The following PRKD1 variants were observed in gnomAD, a reference collection of about 807,000 sequenced individuals.
PRKD1 encodes serine/threonine-protein kinase D1.
In PRKD1, 63 loss-of-function variants were observed where a neutral mutation model predicts 95.9. The ratio of observed to expected loss-of-function variants is 0.66; its 90% confidence interval spans 0.54 to 0.81. The LOEUF is 0.81. Ranked by LOEUF, PRKD1 falls within the 30% of genes least tolerant of loss-of-function variation. PRKD1 has a pLI of 0.00. For missense variants in PRKD1, 1,048 were observed against 1,165.3 expected (o/e 0.90, Z 1.47); for synonymous variants, 425 against 423.1 (o/e 1.00, Z -0.05).
intron 1 of PRKD1, among the ~76,000 whole-genome samples, chr14:29,801,248 C>A (rs773078529): frequency 1.3e-5 from 2 of 152,142 alleles, no homozygotes; most frequent in Non-Finnish European, 2.9e-5. Flanking sequence ...ATTGATGAGG[C>A]CTCCCCACAT....
chr14:29,737,202 G>T (rs1886762172), intron 1 of PRKD1, among the ~76,000 whole-genome samples: 1 of 150,464 alleles, frequency 6.6e-6, no homozygotes, highest in Non-Finnish European at 1.5e-5. Context: ...GGCGCCTGTA[G>T]TCCCAGCTAC....
chr14:29,701,555 G>A (rs1422039822), intron 2 of PRKD1, among the ~76,000 whole-genome samples: 2 of 152,140 alleles, frequency 1.3e-5, no homozygotes, highest in East Asian at 3.8e-4. Context: ...ATACATGAAA[G>A]GCTACATAAA....
At chr14:29,713,434 T>C (rs1298128697) in intron 2 of PRKD1, among the ~76,000 whole-genome samples, 4 of 152,172 alleles carry the variant, frequency 2.6e-5, no homozygotes, top group Non-Finnish European at 5.9e-5. Flanking sequence ...TTTTATATGA[T>C]TCAAGGCAGC....
At chr14:29,705,176 T>G (rs1885021142) in intron 2 of PRKD1, among the ~76,000 whole-genome samples, 1 of 152,100 alleles carries the variant, frequency 6.6e-6, no homozygotes. Flanking sequence ...ATCCCTGAAA[T>G]TTATCCCTGA....
chr14:29,651,827 C>T (rs540943780), intron 4 of PRKD1, among the ~76,000 whole-genome samples: 3 of 152,198 alleles, frequency 2.0e-5, no homozygotes, highest in African/African-American at 7.2e-5. Context: ...TCACTGCAAC[C>T]TCCACCTCCC....
At chr14:29,849,247 G>C (rs1892203223) in intron 1 of PRKD1, among the ~76,000 whole-genome samples, 1 of 152,030 alleles carries the variant, frequency 6.6e-6, no homozygotes, top group Non-Finnish European at 1.5e-5. Context: ...TCCTGCTCTG[G>C]CCATGTGAAG....
chr14:29,801,638 C>G (rs982230252), intron 1 of PRKD1, among the ~76,000 whole-genome samples: 1 of 150,756 alleles, frequency 6.6e-6, no homozygotes. Context: ...ATATGAATTA[C>G]ATGAAGAGCT....
At chr14:29,577,849 T>C (rs2138940481) in intron 17 of PRKD1, among the ~76,000 whole-genome samples, 1 of 152,296 alleles carries the variant, frequency 6.6e-6, no homozygotes, top group Middle Eastern at 3.4e-3. Flanking sequence ...CATGCATTTG[T>C]TCCATATATA....
intron 1 of PRKD1, among the ~76,000 whole-genome samples, chr14:29,880,439 T>C (rs914516367): frequency 6.6e-6 from 1 of 152,062 alleles, no homozygotes; most frequent in Non-Finnish European, 1.5e-5. Flanking sequence ...AGAAGATGTA[T>C]AGAAATGCCT....
chr14:29,768,888 G>T (rs1888380360), intron 1 of PRKD1, among the ~76,000 whole-genome samples: 1 of 151,980 alleles, frequency 6.6e-6, no homozygotes, highest in South Asian at 2.1e-4. Flanking sequence ...ACTATCCTTG[G>T]TTACATGCTT....
chr14:29,616,488 G>T (rs748765719), intron 13 of PRKD1, among the ~76,000 whole-genome samples: 2 of 151,846 alleles, frequency 1.3e-5, no homozygotes, highest in Non-Finnish European at 2.9e-5. Context: ...CTGTTGCACA[G>T]GCTGGAGTGC....
chr14:29,905,971 A>T, intron 1 of PRKD1, among the ~76,000 whole-genome samples: 1 of 152,226 alleles, frequency 6.6e-6, no homozygotes, highest in East Asian at 1.9e-4. Flanking sequence ...ATGAGAAAAC[A>T]AATTATAAAG....
chr14:29,902,511 T>A (rs889164469), intron 1 of PRKD1, among the ~76,000 whole-genome samples: 1 of 152,164 alleles, frequency 6.6e-6, no homozygotes, highest in African/African-American at 2.4e-5. Flanking sequence ...GGATGCATCA[T>A]TCACTATTTT....
chr14:29,746,129 G>C (rs538498023), intron 1 of PRKD1, among the ~76,000 whole-genome samples: 1 of 152,122 alleles, frequency 6.6e-6, no homozygotes, highest in Admixed American at 6.5e-5. Context: ...CACTTCCCCA[G>C]TGTGGAACCT....
chr14:29,911,901 C>T (rs1482067742), intron 1 of PRKD1, among the ~76,000 whole-genome samples: 1 of 152,218 alleles, frequency 6.6e-6, no homozygotes, highest in Non-Finnish European at 1.5e-5. Context: ...AGCTACTCCT[C>T]GAATAATTCC....
At chr14:29,827,083 C>T (rs148825004) in intron 1 of PRKD1, among the ~76,000 whole-genome samples, 102 of 150,468 alleles carry the variant, frequency 6.8e-4, no homozygotes, top group African/African-American at 2.4e-3. Flanking sequence ...GGGGAAAGGG[C>T]GGGAAAGGAG....
intron 2 of PRKD1, among the ~76,000 whole-genome samples, chr14:29,693,044 T>A (rs901612410): frequency 7.1e-6 from 1 of 141,016 alleles, no homozygotes; most frequent in African/African-American, 2.9e-5. Context: ...TTTTAAAATC[T>A]GCTACTTGGT....
At chr14:29,745,861 G>A (rs955696094) in intron 1 of PRKD1, among the ~76,000 whole-genome samples, 1 of 152,110 alleles carries the variant, frequency 6.6e-6, no homozygotes, top group East Asian at 1.9e-4. Context: ...CTTGTATCTG[G>A]AGACATTTTA....
At chr14:29,649,042 A>AG (rs1881324187) in intron 4 of PRKD1, among the ~76,000 whole-genome samples, 1 of 152,096 alleles carries the variant, frequency 6.6e-6, no homozygotes, top group African/African-American at 2.4e-5. Context: ...AAAACTTCAC[A>AG]GGGGTATCTT....
Sources: gnomAD v4.1 joint callset for allele counts (sites outside exome capture counted in the v4.1 genomes callset) on GRCh38, gnomAD v4.1.1 for gene constraint, MANE v1.5 for transcripts, NCBI Gene and HGNC (gene_info 2026-07-23, HGNC 2026-07-21) for gene names.